RRM2: variants seen among roughly 807,000 people sequenced by gnomAD.
RRM2 encodes the protein ribonucleotide reductase regulatory subunit M2, also known as ribonucleoside-diphosphate reductase subunit M2.
Under a neutral mutation model 45.9 loss-of-function variants are expected in RRM2, and 6 were observed. The observed-to-expected ratio is 0.13, with a 90% confidence interval of 0.07 to 0.26. The LOEUF (loss-of-function observed/expected upper bound fraction) is 0.26. RRM2 is among the 10% of genes least tolerant of loss of function. RRM2 has a pLI of 1.00. For missense variants in RRM2, 343 were observed against 489.5 expected, an observed-to-expected ratio of 0.70 and a Z score of 2.82; for synonymous variants, 177 against 173.0, an observed-to-expected ratio of 1.02 and a Z score of -0.18.
intron 3 of RRM2, among the ~76,000 whole-genome samples, chr2:10,196,805 G>A (rs1213300825): frequency 6.6e-6 from 1 of 152,252 alleles, no homozygotes; most frequent in Non-Finnish European, 1.5e-5. Context: ...AGCCGGGACA[G>A]GAGTGACTGA....
In RRM2 at chr2:10,129,475, A is replaced by G; in HGVS notation, c.*89A>G. On this transcript the variant is annotated 3_prime_UTR_variant, in exon 10 of 10. Coordinates refer to ENST00000304567, the MANE Select transcript of RRM2 (RefSeq NM_001034.4). This position sits in a 1 kb window ranked among gnomAD's most constrained non-coding sequence, Gnocchi z 4.8. ...TGAAGTGTTACCAACTAGCCACACC[A>G]TGAATTGTCCGTAATGTTCATTAAC... is the stretch of plus-strand genomic sequence containing the variant. The G allele has an allele frequency of 9.1e-6, 12 of 1,312,852 alleles. No homozygotes were observed. Among genetic ancestry groups the G allele is most frequent in the South Asian group, 1.4e-5 (1 of 71,986 alleles). 81.3% of individuals were successfully genotyped at this position (1,312,852 alleles called of 1,614,324 possible).
At position 10,204,470 on chromosome 2, in the gene RRM2, A is replaced by T. The variant is rs1664628086; in HGVS notation, n.483-5841A>T. On this transcript the variant is annotated intron_variant and non_coding_transcript_variant, in intron 3 of 3. Coordinates refer to the RRM2 transcript ENST00000381786. This position sits in a 1 kb window ranked among gnomAD's most constrained non-coding sequence, Gnocchi z 4.0. The stretch of plus-strand genomic sequence containing the variant: ...CTGTCCACTGGCAGAGAAGCAGCCA[A>T]GTCTCTGATGGAGCCCACCGGAGCA... Among the ~76,000 whole-genome samples, 1 of 152,178 alleles carries T rather than the reference A, an allele frequency of 6.6e-6. No homozygotes were observed. Among genetic ancestry groups the T allele is most frequent in the Non-Finnish European group, 1.5e-5 (1 of 68,014 alleles).
At chr2:10,144,654 C>T (rs1663152347) in intron 3 of RRM2, among the ~76,000 whole-genome samples, 1 of 152,192 alleles carries the variant, frequency 6.6e-6, no homozygotes, top group Admixed American at 6.5e-5. Context: ...TGTAGGGCTT[C>T]TACTTCCTTT....
chr2:10,146,495 C>T (rs367705700), intron 3 of RRM2, among the ~76,000 whole-genome samples: 6 of 152,382 alleles, frequency 3.9e-5, no homozygotes, highest in East Asian at 1.9e-4. Context: ...TCTGTCCCCA[C>T]CTGCCACCTG....
At chr2:10,181,804 A>G (rs1664064869) in intron 3 of RRM2, among the ~76,000 whole-genome samples, 1 of 116,686 alleles carries the variant, frequency 8.6e-6, no homozygotes, top group Non-Finnish European at 1.6e-5. Flanking sequence ...CAGCTCTGTC[A>G]CTCAGGCTGG....
intron 3 of RRM2, among the ~76,000 whole-genome samples, chr2:10,203,760 AATACATAC>A (rs3034307): frequency 0.017 from 2,596 of 150,130 alleles, 80 homozygotes; most frequent in African/African-American, 0.06. Context: ...CACAAAAATA[AATACATAC>A]ATACATACAT....
intron 3 of RRM2, among the ~76,000 whole-genome samples, chr2:10,201,096 C>G (rs926252966): frequency 2.0e-5 from 3 of 151,228 alleles, no homozygotes; most frequent in African/African-American, 7.3e-5. Flanking sequence ...TTGCAGTGAG[C>G]CGAGATTGCA....
chr2:10,166,799 G>A lies in RRM2; in HGVS notation n.482+24424G>A, dbSNP rs375937332. On this transcript the variant is annotated intron_variant and non_coding_transcript_variant, in intron 3 of 3. Transcript: ENST00000381786. ...GCGATGGAACAGGCCCTGCGTCCCCGCCTGTGTCCTAAGCACTCCACAAGC... is the reference window on the plus strand; with the variant it reads ...GCGATGGAACAGGCCCTGCGTCCCCACCTGTGTCCTAAGCACTCCACAAGC... Among the ~76,000 whole-genome samples the A allele has an allele frequency of 3.3e-5, 5 of 152,324 alleles. No homozygotes were observed. In the East Asian group the frequency reaches 7.7e-4, roughly 24 times the overall value.
upstream of RRM2, among the ~76,000 whole-genome samples, chr2:10,141,036 C>T (rs558104229): frequency 1.3e-5 from 2 of 152,228 alleles, no homozygotes; most frequent in South Asian, 2.1e-4. Flanking sequence ...GCATCTCGCC[C>T]ACGTCGCTGT....
chr2:10,131,975 G>A (rs961016713), downstream of RRM2, among the ~76,000 whole-genome samples: 4 of 152,178 alleles, frequency 2.6e-5, no homozygotes, highest in African/African-American at 2.4e-5. Context: ...TGCAAAACAG[G>A]TGGGGCTAGA....
chr2:10,136,864 G>A (rs1437817667), upstream of RRM2, among the ~76,000 whole-genome samples: 1 of 152,166 alleles, frequency 6.6e-6, no homozygotes, highest in Non-Finnish European at 1.5e-5. Context: ...TACTTTGGGG[G>A]TGAGGGGTGG....
intron 4 of RRM2, 70 bp downstream of exon 4, chr2:10,123,922 G>A (rs1662725400): frequency 4.6e-6 from 4 of 878,338 alleles, no homozygotes; most frequent in South Asian, 2.7e-5. Flanking sequence ...CGCTTTCCTC[G>A]TCTTGTATGT....
downstream of RRM2, among the ~76,000 whole-genome samples, chr2:10,132,608 C>T (rs561499532): frequency 1.2e-4 from 19 of 152,248 alleles, no homozygotes; most frequent in South Asian, 3.1e-3. Context: ...GTGACTGGTA[C>T]ATGGGGAAAT....
intron 2 of RRM2, chr2:10,142,083 G>A: frequency 6.3e-7 from 1 of 1,594,942 alleles, no homozygotes; most frequent in Non-Finnish European, 8.6e-7. Flanking sequence ...CGTGGTTAGG[G>A]GAGGAAAGCA....
chr2:10,123,892 G>A, intron 4 of RRM2, 40 bp downstream of exon 4: 2 of 1,150,456 alleles, frequency 1.7e-6, no homozygotes, highest in Middle Eastern at 1.9e-4. Context: ...TGACGTTGAC[G>A]ATCTGAGGTC....
In RRM2 at chr2:10,122,882, C is replaced by A. The variant is rs1046370529; in HGVS notation, c.84C>A (p.Val28=). The change falls in exon 1 of 10, where the codon GTC becomes GTA. Residue 28 remains valine, a synonymous_variant. Coordinates refer to ENST00000304567, the MANE Select transcript of RRM2 (RefSeq NM_001034.4). ...QLSPLKGLSL[V]DKENTPPALS... ...CGCCGCTGAAGGGGCTCAGCTTGGT[C>A]GACAAGGAGAACACGGTGAGCCCGC... The A allele has an allele frequency of 3.1e-6, 5 of 1,595,060 alleles. No homozygotes were observed. In the African/African-American group the frequency reaches 4.0e-5, roughly 13 times the overall value.
At position 10,123,725 on chromosome 2, in the gene RRM2, C is replaced by G; in HGVS notation, c.319-11C>G. Reference sequence around the variant, plus strand: ...TCCTTTTATGCTAAAATTGTGACTTCCGAACCTCAGGTGGACCTCTCCAAG... The same window carrying G: ...TCCTTTTATGCTAAAATTGTGACTTGCGAACCTCAGGTGGACCTCTCCAAG... On this transcript the variant is annotated splice_polypyrimidine_tract_variant and intron_variant, in intron 3 of 9. Transcript: ENST00000304567. 1 of 1,547,492 alleles carries G rather than the reference C, an allele frequency of 6.5e-7. No homozygotes were observed.
At chr2:10,138,852 AAT>A (rs1371049490), upstream of RRM2, among the ~76,000 whole-genome samples, 3 of 151,970 alleles carry the variant, frequency 2.0e-5, no homozygotes, top group African/African-American at 7.2e-5. Flanking sequence ...TCACGCCTGT[AAT>A]CCCAACACTT....
chr2:10,158,822 G>A (rs1169994558), intron 3 of RRM2, among the ~76,000 whole-genome samples: 2 of 152,130 alleles, frequency 1.3e-5, no homozygotes, highest in African/African-American at 4.8e-5. Flanking sequence ...TGCTTCCGAG[G>A]AGTGGCCTTC....
Sources: allele counts gnomAD v4.1 joint callset (sites outside exome capture counted in the v4.1 genomes callset), GRCh38; gene constraint gnomAD v4.1.1; non-coding constraint Gnocchi (gnomAD v3.1); transcripts MANE v1.5; gene names NCBI Gene and HGNC (gene_info 2026-07-23, HGNC 2026-07-21).